Variants in SETD5 observed in about 807,000 individuals in gnomAD.
SETD5 encodes the protein histone-lysine N-methyltransferase SETD5.
Under a neutral mutation model 153.3 loss-of-function variants are expected in SETD5, and 44 were observed. The observed-to-expected ratio is 0.29, with a 90% CI of 0.23 to 0.37. The LOEUF (loss-of-function observed/expected upper bound fraction) is 0.37, where lower values mean the gene tolerates loss of function less well. Among genes scored for constraint, SETD5 ranks in the 10% least tolerant of loss-of-function variants. The probability of loss-of-function intolerance (pLI) is 1.00; values close to 1 mark genes in which losing one functional copy is unlikely to be tolerated. For missense variants in SETD5, 1,544 were observed against 1,768.0 expected (o/e 0.87, Z 2.27); for synonymous variants, 716 against 645.2 (o/e 1.11, Z -1.66).
chr3:9,436,943 T>C (rs1195336862), intron 7 of SETD5: 1 of 1,496,998 alleles, frequency 6.7e-7, no homozygotes, highest in African/African-American at 1.4e-5. Flanking sequence ...TCTTGCATTT[T>C]GGTCAGCTTC....
intron 18 of SETD5, chr3:9,468,672 G>A: frequency 1.8e-6 from 2 of 1,124,454 alleles, no homozygotes; most frequent in Non-Finnish European, 1.2e-6. Context: ...ATCTGAGTCA[G>A]TGGGGTGATG....
At chr3:9,455,983 A>T (rs1377795139) in intron 17 of SETD5, among the ~76,000 whole-genome samples, 1 of 152,228 alleles carries the variant, frequency 6.6e-6, no homozygotes, top group Non-Finnish European at 1.5e-5. Flanking sequence ...ATCAAGCAGC[A>T]GTCAAATGCG....
In SETD5 at chr3:9,441,622, A is replaced by C. The variant is rs774004820; in HGVS notation, c.840A>C (p.Gln280His). ...AGCTGGGAAGAGTCACTCGTGTTCA[A>C]AAGCACCGGAAGATCCTGAGGGCTG... is the stretch of plus-strand genomic sequence containing the variant. Reference protein sequence around the residue: ...QLQLGRVTRVQKHRKILRAAR... With the variant: ...QLQLGRVTRVHKHRKILRAAR... The change falls in exon 9 of 23, where the codon CAA becomes CAC. Residue 280 changes from glutamine (Q) to histidine (H), a missense_variant. Around this residue, in one of 9 missense-constraint regions of SETD5, gnomAD observed 30 missense variants for 66.0 expected, o/e 0.45. Coordinates refer to ENST00000402198, the MANE Select transcript of SETD5 (RefSeq NM_001080517.3). 5 of 1,613,984 alleles carry C rather than the reference A, an allele frequency of 3.1e-6. No homozygotes were observed. The East Asian group carries it at 1.1e-4, about 36-fold the overall frequency.
At chr3:9,433,680 T>C (rs1019055989) in intron 3 of SETD5, 165 bp from the exon 4 acceptor site, 15 of 856,572 alleles carry the variant, frequency 1.8e-5, no homozygotes, top group African/African-American at 5.1e-5. Context: ...CCTACTGTTA[T>C]TTATAGGCTT....
intron 1 of SETD5, among the ~76,000 whole-genome samples, chr3:9,420,360 T>A (rs1401757585): frequency 6.6e-6 from 1 of 151,920 alleles, no homozygotes; most frequent in Non-Finnish European, 1.5e-5. Context: ...AATTATGAAG[T>A]TTTTTACGGA....
intron 18 of SETD5, among the ~76,000 whole-genome samples, chr3:9,469,193 G>C (rs186634430): frequency 6.6e-6 from 1 of 152,198 alleles, no homozygotes; most frequent in Non-Finnish European, 1.5e-5. Context: ...CCACCATTCT[G>C]CAATGGTTAG....
At chr3:9,445,563 G>C (rs1342395546) in intron 12 of SETD5, 94 bp from the exon 13 acceptor site, 1 of 1,134,418 alleles carries the variant, frequency 8.8e-7, no homozygotes, top group African/African-American at 1.5e-5. Flanking sequence ...TAAAGCACTA[G>C]AGATTGTTAT....
At chr3:9,460,690 ATTATAG>A (rs1407821421) in intron 17 of SETD5, among the ~76,000 whole-genome samples, 1 of 152,178 alleles carries the variant, frequency 6.6e-6, no homozygotes, top group Non-Finnish European at 1.5e-5. Flanking sequence ...TAATAGGGAA[ATTATAG>A]TTATTCTACA....
chr3:9,454,622 C>CAAAAAAAAAAAAAAAAAAAAAA (rs67028533), intron 17 of SETD5, among the ~76,000 whole-genome samples: 3 of 57,984 alleles, frequency 5.2e-5, no homozygotes, highest in Non-Finnish European at 9.5e-5. Flanking sequence ...AACTCCGTCT[C>CAAAAAAAAAAAAAAAAAAAAAA]AAAAAAAAAA....
chr3:9,426,553 C>T (rs1252196258), intron 2 of SETD5, among the ~76,000 whole-genome samples: 2 of 151,930 alleles, frequency 1.3e-5, no homozygotes, highest in East Asian at 1.9e-4. Context: ...TGTGCCACTA[C>T]AGCTAATTTT....
intron 13 of SETD5, among the ~76,000 whole-genome samples, chr3:9,446,403 G>GT (rs201341950): frequency 0.011 from 1,722 of 151,136 alleles, 16 homozygotes; most frequent in South Asian, 0.027. Flanking sequence ...GAGTTCTGAA[G>GT]TTTTTTTAAA....
At chr3:9,408,920 A>AT (rs1324470274) in intron 1 of SETD5, among the ~76,000 whole-genome samples, 2 of 152,136 alleles carry the variant, frequency 1.3e-5, no homozygotes, top group East Asian at 1.9e-4. Flanking sequence ...AAGTAATGTG[A>AT]TTTTTTAATA....
chr3:9,422,404 G>A (rs563978173), intron 1 of SETD5, among the ~76,000 whole-genome samples: 9 of 152,266 alleles, frequency 5.9e-5, no homozygotes, highest in African/African-American at 1.9e-4. Context: ...TAGAGTGTAT[G>A]TATATTTGTG....
In SETD5 at chr3:9,448,022, A is replaced by G. The variant is rs1024242343; in HGVS notation, c.2103+16A>G. ...AACCAAAAAGGTAAGTCACAAATGCATCCTTTATAAGTCCAGTCTGGCAAG... is the reference window on the plus strand; with the variant it reads ...AACCAAAAAGGTAAGTCACAAATGCGTCCTTTATAAGTCCAGTCTGGCAAG... On this transcript the variant is annotated intron_variant, in intron 15 of 22. Transcript: ENST00000402198. 4 of 1,604,488 alleles carry G rather than the reference A, an allele frequency of 2.5e-6. No homozygotes were observed. In the Admixed American group the frequency reaches 5.1e-5, roughly 20 times the overall value.
chr3:9,468,029 C>CTA (rs1337589662), intron 18 of SETD5, among the ~76,000 whole-genome samples: 1 of 151,288 alleles, frequency 6.6e-6, no homozygotes. Flanking sequence ...CCCCAGCACA[C>CTA]TAATGTCTCC....
rs1288025782 is a variant in SETD5 at position 9,441,607 on chromosome 3, A to G, written c.825A>G (p.Arg275=). The part of the protein sequence containing the change: ...IGSQMQLQLG[R]VTRVQKHRKI... ...GTTTTATTCAGTTACAGCTGGGAAG[A>G]GTCACTCGTGTTCAAAAGCACCGGA... The change falls in exon 9 of 23, where the codon AGA becomes AGG. Residue 275 remains arginine, a synonymous_variant. Transcript: ENST00000402198. The G allele has an allele frequency of 1.2e-6, 2 of 1,613,816 alleles. No homozygotes were observed.
At chr3:9,468,547 C>G in intron 18 of SETD5, 5 of 1,304,276 alleles carry the variant, frequency 3.8e-6, no homozygotes, top group Non-Finnish European at 5.1e-6. Flanking sequence ...AGTTCCCCTG[C>G]GCATAGGCCC....
chr3:9,431,619 T>C (rs945830945), intron 3 of SETD5: 33 of 985,558 alleles, frequency 3.3e-5, no homozygotes, highest in Non-Finnish European at 3.5e-5. Context: ...TGCACAGCAA[T>C]ATATTAAATG....
chr3:9,462,934 CTT>C (rs969915704), intron 17 of SETD5, among the ~76,000 whole-genome samples: 24 of 142,868 alleles, frequency 1.7e-4, no homozygotes, highest in South Asian at 2.2e-4. Context: ...GAAAATACAG[CTT>C]TTTTTTTTTT....
Sources: allele counts gnomAD v4.1 joint callset (sites outside exome capture counted in the v4.1 genomes callset), GRCh38; gene constraint gnomAD v4.1.1; regional missense constraint gnomAD v4.1.1; transcripts MANE v1.5; gene names NCBI Gene and HGNC (gene_info 2026-07-23, HGNC 2026-07-21).